The following RIMS2 variants were observed in gnomAD, a reference collection of about 807,000 sequenced individuals.
RIMS2 encodes the protein regulating synaptic membrane exocytosis 2, also known as regulating synaptic membrane exocytosis protein 2.
Under a neutral mutation model 174.4 loss-of-function variants are expected in RIMS2, and 59 were observed. The observed-to-expected ratio is 0.34, with a 90% CI of 0.27 to 0.42. RIMS2 has a LOEUF of 0.42. Among genes scored for constraint, RIMS2 ranks in the 10% least tolerant of loss-of-function variants. RIMS2 has a pLI of 1.00. For missense variants in RIMS2, 1,620 were observed against 1,666.3 expected (o/e 0.97, Z 0.48); for synonymous variants, 606 against 572.5 (o/e 1.06, Z -0.84).
At chr8:103,653,286 A>T (rs2096483091) in intron 1 of RIMS2, among the ~76,000 whole-genome samples, 1 of 152,206 alleles carries the variant, frequency 6.6e-6, no homozygotes, top group Non-Finnish European at 1.5e-5. Context: ...CTGAAGCATT[A>T]AAGAAGTATT....
intron 19 of RIMS2, among the ~76,000 whole-genome samples, chr8:104,111,393 G>C (rs2098180169): frequency 6.6e-6 from 1 of 152,014 alleles, no homozygotes; most frequent in African/African-American, 2.4e-5. Flanking sequence ...TTGACAAGTG[G>C]CTCATTTTCT....
intron 1 of RIMS2, among the ~76,000 whole-genome samples, chr8:103,508,478 A>C (rs1288170011): frequency 1.3e-5 from 2 of 150,480 alleles, no homozygotes; most frequent in African/African-American, 2.4e-5. Flanking sequence ...AAAAAAAAGA[A>C]GACGATGCAG....
chr8:103,834,742 T>TTCTTTCTCTCTC (rs1406395709), intron 3 of RIMS2, among the ~76,000 whole-genome samples: 46 of 109,580 alleles, frequency 4.2e-4, no homozygotes, highest in African/African-American at 1.9e-3. Context: ...CTTTCTTTCT[T>TTCTTTCTCTCTC]TCTCTCTCTT....
chr8:103,877,041 G>T (rs745837362), intron 3 of RIMS2, among the ~76,000 whole-genome samples: 1 of 150,262 alleles, frequency 6.7e-6, no homozygotes, highest in Admixed American at 6.7e-5. Context: ...TACCTTTTTC[G>T]TATAAGAACT....
At chr8:104,170,845 A>G (rs1027261272) in intron 19 of RIMS2, among the ~76,000 whole-genome samples, 5 of 152,002 alleles carry the variant, frequency 3.3e-5, no homozygotes, top group Admixed American at 2.6e-4. Context: ...TTGTCGTGCT[A>G]GTTTGACAGC....
At chr8:103,954,592 C>A (rs1288246250) in intron 14 of RIMS2, among the ~76,000 whole-genome samples, 1 of 152,136 alleles carries the variant, frequency 6.6e-6, no homozygotes, top group African/African-American at 2.4e-5. Context: ...TTCTGAGACA[C>A]ATTTAAAGCA....
intron 2 of RIMS2, among the ~76,000 whole-genome samples, chr8:103,721,985 G>C (rs192347337): frequency 1.3e-5 from 2 of 152,268 alleles, no homozygotes; most frequent in East Asian, 3.9e-4. Flanking sequence ...GGGTCAGAGG[G>C]TGACGGTAGG....
chr8:103,793,797 CAG>C (rs982355449), intron 3 of RIMS2, among the ~76,000 whole-genome samples: 2 of 152,112 alleles, frequency 1.3e-5, no homozygotes, highest in Non-Finnish European at 2.9e-5. Context: ...AACAGACAAA[CAG>C]AGAGCCAAAT....
intron 1 of RIMS2, among the ~76,000 whole-genome samples, chr8:103,628,393 G>C (rs2095837304): frequency 6.9e-6 from 1 of 144,514 alleles, no homozygotes; most frequent in Non-Finnish European, 1.5e-5. Context: ...CACTCCTGTT[G>C]CCCAGGCCTG....
intron 19 of RIMS2, among the ~76,000 whole-genome samples, chr8:104,137,972 G>A (rs1307293724): frequency 3.3e-5 from 5 of 151,922 alleles, no homozygotes; most frequent in African/African-American, 1.2e-4. Context: ...GATAACCATC[G>A]TTCTGTAATC....
chr8:103,569,925 G>T (rs1404826103), intron 1 of RIMS2, among the ~76,000 whole-genome samples: 3 of 151,864 alleles, frequency 2.0e-5, no homozygotes, highest in African/African-American at 4.8e-5. Flanking sequence ...GAGTCACCAT[G>T]CCTGGCTCAT....
At chr8:103,986,208 T>C (rs1199387218) in intron 16 of RIMS2, among the ~76,000 whole-genome samples, 1 of 152,266 alleles carries the variant, frequency 6.6e-6, no homozygotes, top group South Asian at 2.1e-4. Context: ...ATGTGCAATG[T>C]TTACTTGACA....
At chr8:104,079,452 G>A (rs543433006) in intron 19 of RIMS2, among the ~76,000 whole-genome samples, 3 of 151,356 alleles carry the variant, frequency 2.0e-5, no homozygotes, top group Non-Finnish European at 4.4e-5. Context: ...TATTCTACAG[G>A]GAATGAATTA....
At chr8:103,914,294 A>C (rs1048197215) in intron 6 of RIMS2, among the ~76,000 whole-genome samples, 10 of 152,198 alleles carry the variant, frequency 6.6e-5, no homozygotes, top group African/African-American at 2.4e-4. Context: ...AAAGGTTAGC[A>C]AGTCTTGGCT....
At chr8:103,912,634 T>C (rs1269872126) in intron 6 of RIMS2, among the ~76,000 whole-genome samples, 2 of 152,166 alleles carry the variant, frequency 1.3e-5, no homozygotes, top group Non-Finnish European at 2.9e-5. Flanking sequence ...TGTGCATGTG[T>C]ATGTGCATAT....
chr8:104,189,582 T>TTATATATA (rs34057466), intron 19 of RIMS2, among the ~76,000 whole-genome samples: 1 of 145,226 alleles, frequency 6.9e-6, no homozygotes, highest in Non-Finnish European at 1.5e-5. Flanking sequence ...AATATATACA[T>TTATATATA]TATATATATA....
intron 3 of RIMS2, among the ~76,000 whole-genome samples, chr8:103,877,847 G>A (rs1337362339): frequency 6.6e-6 from 1 of 151,636 alleles, no homozygotes; most frequent in African/African-American, 2.4e-5. Flanking sequence ...TAATGATATT[G>A]ATTCTTCCAA....
intron 19 of RIMS2, among the ~76,000 whole-genome samples, chr8:104,049,053 G>T (rs1011614482): frequency 4.0e-5 from 6 of 151,430 alleles, no homozygotes; most frequent in African/African-American, 1.5e-4. Context: ...CTGGGCATCG[G>T]ACTATAGCTT....
chr8:103,789,429 A>G (rs1032541495), intron 3 of RIMS2, among the ~76,000 whole-genome samples: 2 of 152,196 alleles, frequency 1.3e-5, no homozygotes, highest in Non-Finnish European at 2.9e-5. Flanking sequence ...GCCTGATAAA[A>G]TTAATTTCCC....
Sources: gnomAD v4.1 joint callset for allele counts (sites outside exome capture counted in the v4.1 genomes callset) on GRCh38, gnomAD v4.1.1 for gene constraint, MANE v1.5 for transcripts, NCBI Gene and HGNC (gene_info 2026-07-23, HGNC 2026-07-21) for gene names.